The following MIR2052HG variants were observed in gnomAD, a reference collection of about 807,000 sequenced individuals.
MIR2052HG encodes MIR2052 host gene.
chr8:74,671,569 A>G (rs1310356255), intron 2 of MIR2052HG, among the ~76,000 whole-genome samples: 1 of 152,160 alleles, frequency 6.6e-6, no homozygotes, highest in African/African-American at 2.4e-5. Context: ...ATCTGGAGAT[A>G]TAAAAATGTT....
chr8:74,670,534 G>A (rs1012475975), intron 2 of MIR2052HG, among the ~76,000 whole-genome samples: 9 of 152,112 alleles, frequency 5.9e-5, no homozygotes, highest in Non-Finnish European at 1.2e-4. Context: ...AGATAATCAA[G>A]CACTAAATTT....
intron 4 of MIR2052HG, among the ~76,000 whole-genome samples, chr8:74,746,967 T>C (rs1809894309): frequency 6.6e-6 from 1 of 152,160 alleles, no homozygotes; most frequent in Non-Finnish European, 1.5e-5. Flanking sequence ...CAAGCCCCCT[T>C]ATATGAATTT....
intron 2 of MIR2052HG, among the ~76,000 whole-genome samples, chr8:74,675,349 CA>C (rs1809039452): frequency 6.6e-6 from 1 of 152,010 alleles, no homozygotes; most frequent in East Asian, 1.9e-4. Context: ...ATTTCCCAAA[CA>C]AGGCAGTTAT....
intron 2 of MIR2052HG, among the ~76,000 whole-genome samples, chr8:74,662,130 G>A (rs560840061): frequency 1.1e-3 from 160 of 152,180 alleles, no homozygotes; most frequent in African/African-American, 3.5e-3. Context: ...AGAGTATCAC[G>A]GTTTTGAAAC....
At chr8:74,710,388 C>T (rs1225397706) in intron 4 of MIR2052HG, among the ~76,000 whole-genome samples, 2 of 152,026 alleles carry the variant, frequency 1.3e-5, no homozygotes, top group Non-Finnish European at 2.9e-5. Context: ...CAACTAATTT[C>T]CCTTGTATAA....
At chr8:74,648,553 G>A (rs976742581) in intron 2 of MIR2052HG, among the ~76,000 whole-genome samples, 1 of 152,078 alleles carries the variant, frequency 6.6e-6, no homozygotes, top group African/African-American at 2.4e-5. Context: ...GCAAAAACTT[G>A]CTGGTTTTGC....
chr8:74,746,167 C>T (rs891225910), intron 4 of MIR2052HG, among the ~76,000 whole-genome samples: 6 of 152,124 alleles, frequency 3.9e-5, no homozygotes, highest in African/African-American at 1.2e-4. Context: ...GTATTAGACA[C>T]GACCTTTATG....
chr8:74,603,872 C>G (rs1048330540), intron 1 of MIR2052HG: 20 of 1,036,904 alleles, frequency 1.9e-5, no homozygotes, highest in Non-Finnish European at 2.6e-5. Context: ...CCTGTACTCT[C>G]TCGTATTTCC....
chr8:74,704,719 A>T (rs1268971003), intron 4 of MIR2052HG, among the ~76,000 whole-genome samples: 1 of 152,076 alleles, frequency 6.6e-6, no homozygotes, highest in African/African-American at 2.4e-5. Flanking sequence ...AACTTGGTTG[A>T]AATGTTTCAT....
chr8:74,668,784 C>A (rs1279214944), intron 2 of MIR2052HG, among the ~76,000 whole-genome samples: 1 of 152,162 alleles, frequency 6.6e-6, no homozygotes, highest in East Asian at 1.9e-4. Context: ...TTTTGTGGCA[C>A]CACTGGCAGT....
intron 2 of MIR2052HG, among the ~76,000 whole-genome samples, chr8:74,648,767 T>C (rs1418378024): frequency 6.6e-6 from 1 of 151,922 alleles, no homozygotes; most frequent in Non-Finnish European, 1.5e-5. Context: ...GTAAGTGAAC[T>C]AAGGAATACT....
chr8:74,651,371 T>G (rs1808750673), intron 2 of MIR2052HG, among the ~76,000 whole-genome samples: 1 of 152,172 alleles, frequency 6.6e-6, no homozygotes, highest in Non-Finnish European at 1.5e-5. Context: ...AGGTAATGGT[T>G]AGAAGTCTGT....
At chr8:74,670,202 T>TGGAAGATTG (rs1279562144) in intron 2 of MIR2052HG, among the ~76,000 whole-genome samples, 1 of 152,166 alleles carries the variant, frequency 6.6e-6, no homozygotes, top group African/African-American at 2.4e-5. Flanking sequence ...CTACTTTTTA[T>TGGAAGATTG]GGAAGATTGG....
At position 74,673,910 on chromosome 8, in the gene MIR2052HG, T is replaced by TAC. The variant is rs1554575314; in HGVS notation, n.217-28461_217-28460dup. Among the ~76,000 whole-genome samples, 44 of 133,232 alleles carry TAC rather than the reference T, an allele frequency of 3.3e-4. 1 individual carries two copies. The highest frequency in any genetic ancestry group is 7.4e-4 in the African/African-American group (22 of 29,536). 87.4% of individuals were successfully genotyped at this position (133,232 alleles called of 152,430 possible). ...TTGTATATATATATATATATATATA[T>TAC]ACACACACAAAATATCTATCTATAT... is the stretch of plus-strand genomic sequence containing the variant. On this transcript the variant is annotated intron_variant and non_coding_transcript_variant, in intron 2 of 6. Transcript: ENST00000523442.
chr8:74,743,403 A>C (rs1050419923), intron 4 of MIR2052HG, among the ~76,000 whole-genome samples: 8 of 152,186 alleles, frequency 5.3e-5, no homozygotes, highest in African/African-American at 1.9e-4. Flanking sequence ...ATGAGAGGTC[A>C]TGGAAAACTA....
At chr8:74,608,856 C>T (rs1808151042) in intron 1 of MIR2052HG, among the ~76,000 whole-genome samples, 1 of 151,684 alleles carries the variant, frequency 6.6e-6, no homozygotes. Context: ...AGAAAGGTCT[C>T]AAGTCAGTAA....
At chr8:74,719,919 C>T (rs1230773009) in intron 4 of MIR2052HG, among the ~76,000 whole-genome samples, 4 of 139,326 alleles carry the variant, frequency 2.9e-5, no homozygotes, top group African/African-American at 1.1e-4. Flanking sequence ...ATGATCTCGG[C>T]TCACTGCAGC....
At chr8:74,644,661 C>A (rs1808673198) in intron 2 of MIR2052HG, among the ~76,000 whole-genome samples, 1 of 152,004 alleles carries the variant, frequency 6.6e-6, no homozygotes, top group African/African-American at 2.4e-5. Flanking sequence ...GGGGCTGAGG[C>A]AGGTGAATTA....
At chr8:74,671,542 A>G (rs901700292) in intron 2 of MIR2052HG, among the ~76,000 whole-genome samples, 5 of 152,120 alleles carry the variant, frequency 3.3e-5, no homozygotes, top group African/African-American at 1.2e-4. Context: ...CCAAAAGTAG[A>G]TTTTATGTTC....
Sources: gnomAD v4.1 joint callset for allele counts (sites outside exome capture counted in the v4.1 genomes callset) on GRCh38, gnomAD v4.1.1 for gene constraint, MANE v1.5 for transcripts, NCBI Gene and HGNC (gene_info 2026-07-23, HGNC 2026-07-21) for gene names.